EPHA5: variants seen among roughly 807,000 people sequenced by gnomAD.
EPHA5 encodes the protein EPH receptor A5.
A neutral mutation model predicts 105.0 loss-of-function variants in EPHA5; 60 were observed. The observed-to-expected ratio is 0.57, with a 90% CI of 0.46 to 0.71. The LOEUF is 0.71. Among genes scored for constraint, EPHA5 ranks in the 30% least tolerant of loss-of-function variants. EPHA5 has a pLI of 0.00. For missense variants in EPHA5, 1,218 were observed against 1,274.7 expected (o/e 0.96, Z 0.68); for synonymous variants, 513 against 449.1 (o/e 1.14, Z -1.80).
rs547432387 is a variant in EPHA5, at chr4:65,396,815, G to A, written c.1793+7559C>T. Among the ~76,000 whole-genome samples, 7 of 152,270 alleles carry A rather than the reference G, an allele frequency of 4.6e-5. No homozygotes were observed. In the South Asian group the frequency reaches 1.5e-3, roughly 32 times the overall value. ...TAAGTTCATTATTCAAGCAGCCCCT[G>A]ATATCAGGAGGAAGCTGCAGAAACA... On this transcript the variant is annotated intron_variant, in intron 8 of 16. Coordinates refer to ENST00000613740, the MANE Select transcript of EPHA5 (RefSeq NM_001281766.3).
intron 2 of EPHA5, among the ~76,000 whole-genome samples, chr4:65,622,404 G>A (rs1464297519): frequency 2.0e-5 from 3 of 151,840 alleles, no homozygotes; most frequent in Non-Finnish European, 4.4e-5. Context: ...TCAAGGCATA[G>A]GCAACATGGC....
intron 3 of EPHA5, among the ~76,000 whole-genome samples, chr4:65,505,433 T>A (rs1368508256): frequency 6.6e-6 from 1 of 152,092 alleles, no homozygotes; most frequent in African/African-American, 2.4e-5. Context: ...CAAATGAGTT[T>A]AATAAATCCA....
rs544834816 is a variant in EPHA5 at position 65,368,615 on chromosome 4, T to G, written c.1794-1191A>C. On this transcript the variant is annotated intron_variant, in intron 8 of 16. Transcript: ENST00000613740. Reference sequence around the variant, plus strand: ...ATAAGTGCCTTCAAAATGATGCTCCTCCACTCTGTAACTCCTTTCCTAAAC... The same window carrying G: ...ATAAGTGCCTTCAAAATGATGCTCCGCCACTCTGTAACTCCTTTCCTAAAC... Among the ~76,000 whole-genome samples the G allele has an allele frequency of 2.0e-3, 297 of 152,252 alleles. 2 individuals carry two copies. Among genetic ancestry groups the G allele is most frequent in the African/African-American group, 7.0e-3 (290 of 41,586 alleles).
intron 5 of EPHA5, among the ~76,000 whole-genome samples, chr4:65,473,885 C>T (rs1578198184): frequency 6.9e-6 from 1 of 144,450 alleles, no homozygotes. Context: ...TTTGTAAGGG[C>T]TTTTTTTTTT....
intron 3 of EPHA5, among the ~76,000 whole-genome samples, chr4:65,553,331 T>C (rs1413083988): frequency 6.6e-6 from 1 of 152,086 alleles, no homozygotes; most frequent in African/African-American, 2.4e-5. Context: ...TTGATTTAAA[T>C]ACAGAAACTT....
At chr4:65,425,697 T>G (rs970934391) in intron 5 of EPHA5, among the ~76,000 whole-genome samples, 2 of 152,052 alleles carry the variant, frequency 1.3e-5, no homozygotes. Flanking sequence ...GAAAGTTGGA[T>G]CAGTATTGAG....
intron 2 of EPHA5, among the ~76,000 whole-genome samples, chr4:65,607,241 G>A (rs1262778662): frequency 6.6e-6 from 1 of 151,786 alleles, no homozygotes; most frequent in African/African-American, 2.4e-5. Context: ...AGAAAACCTA[G>A]GCAATACCAT....
chr4:65,467,373 T>A (rs1201737809), intron 5 of EPHA5, among the ~76,000 whole-genome samples: 1 of 152,198 alleles, frequency 6.6e-6, no homozygotes, highest in African/African-American at 2.4e-5. Flanking sequence ...TGTCATGTGA[T>A]TTTTGTAGCT....
At chr4:65,493,846 T>A (rs1222100822) in intron 4 of EPHA5, among the ~76,000 whole-genome samples, 1 of 151,790 alleles carries the variant, frequency 6.6e-6, no homozygotes, top group Non-Finnish European at 1.5e-5. Flanking sequence ...AAAAGAAAGA[T>A]AATGGGTAGA....
intron 3 of EPHA5, among the ~76,000 whole-genome samples, chr4:65,509,638 C>T (rs920394392): frequency 3.3e-5 from 5 of 152,108 alleles, no homozygotes; most frequent in Non-Finnish European, 5.9e-5. Flanking sequence ...TTTATGATTA[C>T]TAATCTGCCA....
At chr4:65,442,177 A>G (rs551770661) in intron 5 of EPHA5, among the ~76,000 whole-genome samples, 21 of 152,080 alleles carry the variant, frequency 1.4e-4, no homozygotes, top group Non-Finnish European at 3.1e-4. Flanking sequence ...CCTAACCACC[A>G]ATGCAATGGA....
chr4:65,388,182 G>T (rs1720322269), intron 8 of EPHA5, among the ~76,000 whole-genome samples: 1 of 149,134 alleles, frequency 6.7e-6, no homozygotes, highest in East Asian at 2.0e-4. Context: ...ATTCCATGGT[G>T]TATATGTGCC....
intron 16 of EPHA5, among the ~76,000 whole-genome samples, chr4:65,325,513 T>C (rs957127068): frequency 6.6e-6 from 1 of 151,362 alleles, no homozygotes; most frequent in African/African-American, 2.4e-5. Flanking sequence ...TATTTGTTTT[T>C]TAGAATGTGA....
At chr4:65,573,622 G>A in intron 3 of EPHA5, 3 of 1,600,170 alleles carry the variant, frequency 1.9e-6, no homozygotes, top group Middle Eastern at 1.9e-4. Flanking sequence ...AGAGGAATTG[G>A]CAGGTATTCC....
chr4:65,601,702 CA>C lies in EPHA5; in HGVS notation c.848del (p.Leu283ArgfsTer139). ...TGCACATGCATTTCCCGATGGGCAC[CA>C]GCCACTCCCCTTCGGCGCTGCAGTG... is the stretch of plus-strand genomic sequence containing the variant. Reference protein sequence around the residue: ...KMHCSAEGEWLVPIGKCMCKA... With the variant: ...KMHCSAEGEWXVPIGKCMCKA... On this transcript the variant is annotated frameshift_variant, in exon 3 of 17. Transcript: ENST00000613740. LOFTEE classifies it high-confidence loss of function. 1 of 1,614,146 alleles carries C rather than the reference CA, an allele frequency of 6.2e-7. No individual in the cohort carries two copies. The highest frequency in any genetic ancestry group is 8.5e-7 in the Non-Finnish European group (1 of 1,180,014).
chr4:65,495,619 T>A (rs2149227269), intron 3 of EPHA5, 76 bp from the exon 4 acceptor site: 1 of 1,277,668 alleles, frequency 7.8e-7, no homozygotes, highest in Non-Finnish European at 1.1e-6. Flanking sequence ...TGTCATTATT[T>A]TGACTTGTAT....
At chr4:65,604,470 G>T (rs11938383) in intron 2 of EPHA5, among the ~76,000 whole-genome samples, 74,865 of 151,896 alleles carry the variant, frequency 0.49, 20,133 homozygotes, top group Middle Eastern at 0.65. Flanking sequence ...ATAAATGATG[G>T]CTCACATTTA....
chr4:65,410,577 C>T (rs1722818900), intron 7 of EPHA5, among the ~76,000 whole-genome samples: 1 of 152,128 alleles, frequency 6.6e-6, no homozygotes, highest in Non-Finnish European at 1.5e-5. Flanking sequence ...TCCACATACA[C>T]ATTTACAAAG....
chr4:65,537,557 T>C (rs924343048), intron 3 of EPHA5, among the ~76,000 whole-genome samples: 3 of 151,764 alleles, frequency 2.0e-5, no homozygotes, highest in Non-Finnish European at 4.4e-5. Context: ...TATCTTTTAG[T>C]TTAGAACCAT....
Sources: gnomAD v4.1 joint callset for allele counts (sites outside exome capture counted in the v4.1 genomes callset) on GRCh38, gnomAD v4.1.1 for gene constraint, MANE v1.5 for transcripts, NCBI Gene and HGNC (gene_info 2026-07-23, HGNC 2026-07-21) for gene names.